PRKCA: variants seen among roughly 807,000 people sequenced by gnomAD.
PRKCA encodes protein kinase C alpha.
In PRKCA, 27 loss-of-function variants were observed where a neutral mutation model predicts 87.0. The ratio of observed to expected loss-of-function variants is 0.31; its 90% CI spans 0.23 to 0.43. The LOEUF (loss-of-function observed/expected upper bound fraction) is 0.43, where lower values mean the gene tolerates loss of function less well. PRKCA is among the 20% of genes least tolerant of loss of function. The pLI is 1.00. For synonymous variants in PRKCA, 329 were observed against 311.1 expected, an observed-to-expected ratio of 1.06 and a Z score of -0.61; for missense variants, 518 against 852.3, an observed-to-expected ratio of 0.61 and a Z score of 4.88.
chr17:66,574,862 A>G (rs1490513813), intron 3 of PRKCA, among the ~76,000 whole-genome samples: 3 of 152,228 alleles, frequency 2.0e-5, no homozygotes, highest in Admixed American at 2.0e-4. Context: ...GAGATTAACA[A>G]CAATAATAAA....
chr17:66,513,216 G>T (rs955280112), intron 3 of PRKCA, among the ~76,000 whole-genome samples: 6 of 152,262 alleles, frequency 3.9e-5, no homozygotes, highest in African/African-American at 1.4e-4. Context: ...CATTTTAGTT[G>T]CACAAGGGAG....
chr17:66,781,868 G>GAGAGAGATATATATAT (rs1491546533), intron 14 of PRKCA, among the ~76,000 whole-genome samples: 3 of 99,354 alleles, frequency 3.0e-5, no homozygotes, highest in African/African-American at 1.1e-4. Context: ...GAGAGAGAGA[G>GAGAGAGATATATATAT]ATATATATAT....
intron 2 of PRKCA, among the ~76,000 whole-genome samples, chr17:66,351,271 G>A (rs1025452156): frequency 2.6e-5 from 4 of 152,208 alleles, no homozygotes; most frequent in Non-Finnish European, 5.9e-5. Context: ...CTATGGGCGC[G>A]TGCCAACTGA....
chr17:66,512,207 CCCT>C (rs1440946113), intron 3 of PRKCA, among the ~76,000 whole-genome samples: 1 of 152,124 alleles, frequency 6.6e-6, no homozygotes, highest in African/African-American at 2.4e-5. Context: ...CCCTTCAGTG[CCCT>C]CCTCTTAACC....
intron 2 of PRKCA, among the ~76,000 whole-genome samples, chr17:66,326,861 C>G (rs1331141320): frequency 6.6e-6 from 1 of 152,110 alleles, no homozygotes; most frequent in Non-Finnish European, 1.5e-5. Context: ...GGGAGATTTG[C>G]TGAAAGTGAC....
At chr17:66,437,732 G>T (rs202108573) in intron 2 of PRKCA, among the ~76,000 whole-genome samples, 151 of 1,702 alleles carry the variant, frequency 0.089, no homozygotes, top group Middle Eastern at 0.25. Context: ...TTTTTTTTTT[G>T]AGCGGGGGGT....
intron 5 of PRKCA, among the ~76,000 whole-genome samples, chr17:66,646,111 G>T (rs1407934967): frequency 6.6e-6 from 1 of 152,164 alleles, no homozygotes; most frequent in Non-Finnish European, 1.5e-5. Flanking sequence ...GTTACAGTTA[G>T]TGAGGAGCTG....
At chr17:66,515,187 C>T (rs917128876) in intron 3 of PRKCA, among the ~76,000 whole-genome samples, 2 of 144,056 alleles carry the variant, frequency 1.4e-5, no homozygotes, top group African/African-American at 2.6e-5. Context: ...ACCTGGGAGG[C>T]GGAGGTTGCA....
At chr17:66,446,179 A>G (rs184736549) in intron 2 of PRKCA, among the ~76,000 whole-genome samples, 21 of 152,188 alleles carry the variant, frequency 1.4e-4, no homozygotes, top group South Asian at 2.1e-4. Context: ...GTGATTTGAA[A>G]TGTTGCCTCT....
At chr17:66,796,891 G>A in intron 16 of PRKCA, 1 of 985,348 alleles carries the variant, frequency 1.0e-6, no homozygotes, top group South Asian at 4.7e-5. Flanking sequence ...CATCGTAAGG[G>A]GTAGCTCCCA....
rs554462346 is a variant in PRKCA, at chr17:66,533,304, G to C, written c.288+37021G>C. 1.5e-3 allele frequency among the ~76,000 whole-genome samples: 226 copies of C among 152,258 alleles called. 1 individual carries two copies. Among genetic ancestry groups the C allele is most frequent in the African/African-American group, 5.2e-3 (217 of 41,530 alleles). ...GCGTAAAAGAAGAAATGTTTCCTCT[G>C]CTCCTGGGCTCACCATTAATTCTGA... On this transcript the variant is annotated intron_variant, in intron 3 of 16. Coordinates refer to ENST00000413366, the MANE Select transcript of PRKCA (RefSeq NM_002737.3).
Position 66,451,346 on chromosome 17 carries a change from T to TAA in PRKCA, c.206-44855_206-44854insAA, listed in dbSNP as rs1355057578. Reference sequence around the variant, plus strand: ...AACTTTTAGAATACGGAGTTAGAATTTATTTATTTATTTATTTATTTATTT... The same window carrying TAA: ...AACTTTTAGAATACGGAGTTAGAATTAATATTTATTTATTTATTTATTTATTT... On this transcript the variant is annotated intron_variant, in intron 2 of 16. Coordinates refer to ENST00000413366, the MANE Select transcript of PRKCA (RefSeq NM_002737.3). 5.9e-3 allele frequency among the ~76,000 whole-genome samples: 501 copies of TAA among 85,026 alleles called. 3 individuals carry two copies. Among genetic ancestry groups the TAA allele is most frequent in the African/African-American group, 0.02 (460 of 22,764 alleles). The allele number at this position is 85,026 out of a possible 152,430, so 55.8% of individuals were successfully genotyped here. A position where few individuals can be genotyped will look rare whatever the true frequency, so the allele number is the denominator to read the frequency against.
chr17:66,538,557 A>G (rs1967871046), intron 3 of PRKCA, among the ~76,000 whole-genome samples: 2 of 152,310 alleles, frequency 1.3e-5, no homozygotes, highest in South Asian at 2.1e-4. Flanking sequence ...AAGAGTTGAT[A>G]AAGAGGCAGC....
chr17:66,695,958 C>A (rs533763142), intron 8 of PRKCA, among the ~76,000 whole-genome samples: 1 of 152,274 alleles, frequency 6.6e-6, no homozygotes, highest in Non-Finnish European at 1.5e-5. Flanking sequence ...AAGGGAAATA[C>A]TTTTAAAGTT....
intron 3 of PRKCA, among the ~76,000 whole-genome samples, chr17:66,632,363 C>A (rs1467723753): frequency 4.0e-5 from 6 of 151,782 alleles, no homozygotes; most frequent in African/African-American, 1.5e-4. Context: ...GAGGAGGGGG[C>A]TTTTTGTTTT....
At chr17:66,692,974 G>C (rs1030453634) in intron 8 of PRKCA, among the ~76,000 whole-genome samples, 2 of 152,160 alleles carry the variant, frequency 1.3e-5, no homozygotes, top group Non-Finnish European at 1.5e-5. Context: ...TTCTAAAAAG[G>C]GTTCCCTCCA....
chr17:66,371,518 T>C lies in PRKCA; in HGVS notation c.205+65391T>C, dbSNP rs571248987. The stretch of plus-strand genomic sequence containing the variant: ...AGACTGCCTGGGTTTACATCTCAGC[T>C]CTGCCACTTCTAACTTTGTGATTCA... On this transcript the variant is annotated intron_variant, in intron 2 of 16. Transcript: ENST00000413366. Among the ~76,000 whole-genome samples the C allele has an allele frequency of 2.0e-5, 3 of 152,344 alleles. No individual in the cohort carries two copies. In the East Asian group the frequency reaches 5.8e-4, roughly 29 times the overall value.
In PRKCA at chr17:66,401,343, T is replaced by C. The variant is rs540684002; in HGVS notation, c.206-94858T>C. On this transcript the variant is annotated intron_variant, in intron 2 of 16. Transcript: ENST00000413366. Reference sequence around the variant, plus strand: ...CACCTGCTAACCTGGGAGGTGTGAGTGGAGTGCCTGCGGCTGGACCCACTT... The same window carrying C: ...CACCTGCTAACCTGGGAGGTGTGAGCGGAGTGCCTGCGGCTGGACCCACTT... Among the ~76,000 whole-genome samples the C allele has an allele frequency of 3.3e-5, 5 of 152,082 alleles. No individual in the cohort carries two copies. The East Asian group carries it at 9.7e-4, about 29-fold the overall frequency.
chr17:66,440,616 G>A (rs1032186154), intron 2 of PRKCA, among the ~76,000 whole-genome samples: 4 of 152,120 alleles, frequency 2.6e-5, no homozygotes, highest in African/African-American at 9.7e-5. Context: ...GCATACAACC[G>A]GGGTGTTACC....
Sources: gnomAD v4.1 joint callset for allele counts (sites outside exome capture counted in the v4.1 genomes callset) on GRCh38, gnomAD v4.1.1 for gene constraint, MANE v1.5 for transcripts, NCBI Gene and HGNC (gene_info 2026-07-23, HGNC 2026-07-21) for gene names.